The following RPS6KC1 variants were observed in gnomAD, a reference collection of about 807,000 sequenced individuals.
The protein encoded by RPS6KC1 is inactive ribosomal protein S6 kinase delta-1.
RPS6KC1 carries 54 observed loss-of-function variants against 103.8 expected under a neutral mutation model. That is an observed-to-expected ratio of 0.52 (90% CI 0.42 to 0.65). The LOEUF is 0.65. Among genes scored for constraint, RPS6KC1 ranks in the 30% least tolerant of loss-of-function variants. The probability of loss-of-function intolerance (pLI) is 0.00; values close to 1 mark genes in which losing one functional copy is unlikely to be tolerated. For missense variants in RPS6KC1, 1,151 were observed against 1,253.8 expected (o/e 0.92, Z 1.24); for synonymous variants, 439 against 438.7 (o/e 1.00, Z -0.01).
chr1:213,394,094 G>A, the RPS6KC1 span, among the ~76,000 whole-genome samples: 1 of 152,120 alleles, frequency 6.6e-6, no homozygotes, highest in Non-Finnish European at 1.5e-5. Flanking sequence ...AGGAGGCTGG[G>A]TGACCTCATG....
the RPS6KC1 span, among the ~76,000 whole-genome samples, chr1:213,641,977 A>T: frequency 3.3e-5 from 5 of 152,126 alleles, 1 homozygote; most frequent in Admixed American, 3.3e-4. Context: ...GGCCAGGGCC[A>T]CCACCATAGG....
At chr1:213,594,631 C>T in the RPS6KC1 span, among the ~76,000 whole-genome samples, 3 of 152,186 alleles carry the variant, frequency 2.0e-5, no homozygotes, top group Admixed American at 2.0e-4. Context: ...AATTAATCAC[C>T]TCCTATAATA....
chr1:213,085,111 T>A (rs1035822885), intron 3 of RPS6KC1, among the ~76,000 whole-genome samples: 1 of 152,232 alleles, frequency 6.6e-6, no homozygotes, highest in Non-Finnish European at 1.5e-5. Flanking sequence ...AATCAAGGTG[T>A]TGGCAGGGAT....
chr1:213,440,302 A>C, the RPS6KC1 span, among the ~76,000 whole-genome samples: 2 of 152,196 alleles, frequency 1.3e-5, no homozygotes, highest in Admixed American at 1.3e-4. Flanking sequence ...AGAAGACTTG[A>C]AGACAAGTCA....
chr1:213,728,937 GTTTTTTTTTTGTTTTT>G, the RPS6KC1 span, among the ~76,000 whole-genome samples: 1 of 93,416 alleles, frequency 1.1e-5, no homozygotes, highest in African/African-American at 4.8e-5. Flanking sequence ...GAACATGAGG[GTTTTTTTTTTGTTTTT>G]TTTTTTTTTT....
chr1:213,416,244 C>G, the RPS6KC1 span, among the ~76,000 whole-genome samples: 1 of 152,346 alleles, frequency 6.6e-6, no homozygotes, highest in Middle Eastern at 3.4e-3. Context: ...CCACAGGCCT[C>G]TGTTTCAGAG....
chr1:213,518,107 C>G, the RPS6KC1 span, among the ~76,000 whole-genome samples: 2 of 152,110 alleles, frequency 1.3e-5, no homozygotes, highest in African/African-American at 4.8e-5. Flanking sequence ...AAGTTCAAAA[C>G]TGATCATAAG....
At chr1:213,223,531 CATT>C (rs2093886941) in intron 8 of RPS6KC1, among the ~76,000 whole-genome samples, 1 of 152,112 alleles carries the variant, frequency 6.6e-6, no homozygotes, top group Non-Finnish European at 1.5e-5. Flanking sequence ...CTGCAAAAGA[CATT>C]ATTTCATTTC....
At chr1:213,079,875 A>T (rs538280223) in intron 3 of RPS6KC1, among the ~76,000 whole-genome samples, 3 of 150,136 alleles carry the variant, frequency 2.0e-5, no homozygotes, top group African/African-American at 7.3e-5. Flanking sequence ...TCAAGTACTT[A>T]TATCTGTATC....
At chr1:213,162,090 C>T in intron 6 of RPS6KC1, among the ~76,000 whole-genome samples, 1 of 152,004 alleles carries the variant, frequency 6.6e-6, no homozygotes, top group Non-Finnish European at 1.5e-5. Context: ...AATTTTAGTT[C>T]CTTAGTTTTG....
chr1:213,854,564 C>CTTTCTTTCTT, the RPS6KC1 span, among the ~76,000 whole-genome samples: 3,412 of 105,192 alleles, frequency 0.032, 52 homozygotes, highest in East Asian at 0.049. Flanking sequence ...TTCTTTCTTT[C>CTTTCTTTCTT]TCTCTCTCTC....
chr1:213,643,670 T>C, the RPS6KC1 span, among the ~76,000 whole-genome samples: 1 of 151,938 alleles, frequency 6.6e-6, no homozygotes, highest in East Asian at 1.9e-4. Flanking sequence ...AATATCAGTA[T>C]AGTGTTAAAT....
At chr1:213,571,090 A>G in the RPS6KC1 span, among the ~76,000 whole-genome samples, 6 of 152,226 alleles carry the variant, frequency 3.9e-5, no homozygotes, top group Non-Finnish European at 8.8e-5. Context: ...AATGGCCTCA[A>G]TATTCTACTT....
intron 8 of RPS6KC1, among the ~76,000 whole-genome samples, chr1:213,214,738 C>A (rs2093613189): frequency 6.6e-6 from 1 of 152,210 alleles, no homozygotes; most frequent in Non-Finnish European, 1.5e-5. Context: ...TGTTCTGCAG[C>A]CTCCACTGCC....
At chr1:213,280,953 T>G in the RPS6KC1 span, among the ~76,000 whole-genome samples, 2 of 152,180 alleles carry the variant, frequency 1.3e-5, no homozygotes, top group Non-Finnish European at 2.9e-5. Flanking sequence ...AAATCACCAT[T>G]TGATAGAACA....
In RPS6KC1 at chr1:213,087,237, C is replaced by A. The variant is rs571312678; in HGVS notation, c.262+9421C>A. ...TGAGTTTTCACTAATTAAGGATTTTCTCTTTTGTGGCATTTATTTGTCTAT... is the reference window on the plus strand; with the variant it reads ...TGAGTTTTCACTAATTAAGGATTTTATCTTTTGTGGCATTTATTTGTCTAT... On this transcript the variant is annotated intron_variant, in intron 3 of 14. Coordinates refer to ENST00000366960, the MANE Select transcript of RPS6KC1 (RefSeq NM_012424.6). 2.0e-5 allele frequency among the ~76,000 whole-genome samples: 3 copies of A among 152,140 alleles called. No homozygotes were observed. In the East Asian group the frequency reaches 5.8e-4, roughly 29 times the overall value.
intron 6 of RPS6KC1, among the ~76,000 whole-genome samples, chr1:213,140,206 T>C (rs2086848359): frequency 6.6e-6 from 1 of 152,130 alleles, no homozygotes; most frequent in Non-Finnish European, 1.5e-5. Flanking sequence ...ATTCTGAAAC[T>C]TTGCTGAAGT....
the RPS6KC1 span, among the ~76,000 whole-genome samples, chr1:213,781,243 G>T: frequency 1.3e-5 from 2 of 152,160 alleles, no homozygotes; most frequent in African/African-American, 4.8e-5. Flanking sequence ...GATCATTTTG[G>T]ATCAAGTAGT....
At chr1:213,762,642 A>T in the RPS6KC1 span, among the ~76,000 whole-genome samples, 1 of 152,220 alleles carries the variant, frequency 6.6e-6, no homozygotes, top group Admixed American at 6.5e-5. Context: ...TTTCCATGCT[A>T]ATAATAGATG....
Sources: allele counts gnomAD v4.1 joint callset (sites outside exome capture counted in the v4.1 genomes callset), GRCh38; gene constraint gnomAD v4.1.1; transcripts MANE v1.5; gene names NCBI Gene and HGNC (gene_info 2026-07-23, HGNC 2026-07-21).